ZMYM1: variants seen among roughly 807,000 people sequenced by gnomAD.
ZMYM1 encodes zinc finger MYM-type containing 1.
In ZMYM1, 39 loss-of-function variants were observed where a neutral mutation model predicts 60.0. The ratio of observed to expected loss-of-function variants is 0.65; its 90% confidence interval spans 0.50 to 0.85. The LOEUF (loss-of-function observed/expected upper bound fraction) is 0.85, where lower values mean the gene tolerates loss of function less well. Among genes scored for constraint, ZMYM1 ranks in the 40% least tolerant of loss-of-function variants. The pLI is 0.00. For missense variants in ZMYM1, 1,171 were observed against 1,309.5 expected (o/e 0.89, Z 1.63); for synonymous variants, 413 against 454.0 (o/e 0.91, Z 1.15).
intron 1 of ZMYM1, among the ~76,000 whole-genome samples, chr1:35,073,583 GAAGAA>G (rs1557627006): frequency 8.3e-6 from 1 of 120,352 alleles, no homozygotes; most frequent in Admixed American, 9.1e-5. Flanking sequence ...AAAAAGAAAA[GAAGAA>G]AAGAAAAGAA....
chr1:35,105,477 A>G (rs1404444795), intron 6 of ZMYM1, among the ~76,000 whole-genome samples: 2 of 151,976 alleles, frequency 1.3e-5, no homozygotes, highest in Non-Finnish European at 2.9e-5. Flanking sequence ...TGTCTTGCCC[A>G]GGCTGGAGTG....
intron 1 of ZMYM1, among the ~76,000 whole-genome samples, chr1:35,091,368 C>T (rs1262534925): frequency 1.3e-5 from 2 of 152,050 alleles, no homozygotes; most frequent in Non-Finnish European, 2.9e-5. Flanking sequence ...CCTGCCACCA[C>T]GCCTGGCTAA....
intron 1 of ZMYM1, among the ~76,000 whole-genome samples, chr1:35,090,157 C>T (rs570579343): frequency 2.0e-5 from 3 of 152,158 alleles, no homozygotes; most frequent in Admixed American, 1.3e-4. Flanking sequence ...CCACCCACCT[C>T]GGCCTCCCCA....
At chr1:35,080,651 G>C (rs961929131) in intron 1 of ZMYM1, among the ~76,000 whole-genome samples, 5 of 151,672 alleles carry the variant, frequency 3.3e-5, no homozygotes, top group Admixed American at 2.6e-4. Context: ...TCTATACCAG[G>C]AATATCCGCC....
intron 2 of ZMYM1, 81 bp downstream of exon 2, chr1:35,094,164 C>A: frequency 1.6e-6 from 2 of 1,212,480 alleles, no homozygotes; most frequent in Non-Finnish European, 1.1e-6. Context: ...TGAAATGATT[C>A]ATTGAAAAAC....
intron 1 of ZMYM1, among the ~76,000 whole-genome samples, chr1:35,071,461 T>C (rs958232348): frequency 2.6e-5 from 4 of 151,936 alleles, no homozygotes; most frequent in African/African-American, 9.7e-5. Flanking sequence ...GCCTCCTGAG[T>C]TGTTGGGACT....
chr1:35,075,917 A>T (rs1053453659), upstream of ZMYM1, among the ~76,000 whole-genome samples: 2 of 152,186 alleles, frequency 1.3e-5, no homozygotes, highest in Non-Finnish European at 2.9e-5. Context: ...GTGCTCAACC[A>T]ATCACCCAAT....
intron 1 of ZMYM1, among the ~76,000 whole-genome samples, chr1:35,063,451 G>A (rs1407194130): frequency 6.6e-6 from 1 of 152,086 alleles, no homozygotes; most frequent in Non-Finnish European, 1.5e-5. Flanking sequence ...GGGACCACAA[G>A]CACAAACCAA....
chr1:35,112,993 C>T lies in ZMYM1; in HGVS notation c.1163C>T (p.Pro388Leu). 2 of 1,557,276 alleles carry T rather than the reference C, an allele frequency of 1.3e-6. No homozygotes were observed. Among genetic ancestry groups the T allele is most frequent in the East Asian group, 2.3e-5 (1 of 43,592 alleles). Residue 388 changes from proline to leucine, a missense_variant, in exon 10 of 10, where the codon CCT (proline) becomes CTT (leucine). Pro to Leu is a moderately conservative substitution (Grantham distance 98). Transcript: ENST00000359858. ...DVIVDLSKSSPSEPSNAVASS... is the reference protein window; with the variant it reads ...DVIVDLSKSSLSEPSNAVASS... The stretch of plus-strand genomic sequence containing the variant: ...CTCCCAAAGCTTTCTAAGAGTTCAC[C>T]TAGTGAACCCAGTAATGCTGTTGCT...
At position 35,097,458 on chromosome 1, in the gene ZMYM1, A is replaced by G. The variant is rs1489484062; in HGVS notation, c.311A>G (p.Gln104Arg). The G allele has an allele frequency of 1.9e-6, 3 of 1,614,074 alleles. No individual in the cohort carries two copies. The highest frequency in any genetic ancestry group is 1.3e-5 in the African/African-American group (1 of 74,922). The change falls in exon 4 of 10, where the codon CAG becomes CGG. Residue 104 changes from glutamine (Q) to arginine (R), a missense_variant. By Grantham distance (43) the Gln-to-Arg change is conservative. Transcript: ENST00000359858. ...KILQKGQTAY[Q>R]RKGSAQLFCS... ...CTCCAGAAGGGGCAAACTGCTTATC[A>G]GAGGAAAGGATCTGCTCAACTTTTC...
At chr1:35,107,628 C>G (rs181883366) in intron 6 of ZMYM1, among the ~76,000 whole-genome samples, 2 of 152,060 alleles carry the variant, frequency 1.3e-5, no homozygotes, top group African/African-American at 4.8e-5. Flanking sequence ...TGGAGTAAAT[C>G]TACAATGTTA....
intron 6 of ZMYM1, among the ~76,000 whole-genome samples, chr1:35,108,140 T>TA (rs1313080668): frequency 6.6e-6 from 1 of 152,052 alleles, no homozygotes; most frequent in Non-Finnish European, 1.5e-5. Context: ...AAAAATAAAT[T>TA]ATGCCACTAT....
Position 35,107,172 on chromosome 1 carries a change from G to A in ZMYM1, c.807+2403G>A, listed in dbSNP as rs531879989. ...GGCCGGCCTTGTTCTGTTTTTAAAA[G>A]CCTATATGCCGGGCACGGTGGGTCA... On this transcript the variant is annotated intron_variant, in intron 6 of 9. Coordinates refer to ENST00000359858, the MANE Select transcript of ZMYM1 (RefSeq NM_024772.5). 2.0e-5 allele frequency among the ~76,000 whole-genome samples: 3 copies of A among 147,656 alleles called. No homozygotes were observed. In the East Asian group the frequency reaches 6.4e-4, roughly 31 times the overall value.
intron 6 of ZMYM1, among the ~76,000 whole-genome samples, chr1:35,106,840 TG>T (rs202026953): frequency 0.015 from 2,250 of 150,942 alleles, 51 homozygotes; most frequent in African/African-American, 0.05. Context: ...GGTTGTTTTT[TG>T]TTGTTGTTGT....
At chr1:35,112,547 TTATAA>T (rs1459309676) in intron 9 of ZMYM1, among the ~76,000 whole-genome samples, 4 of 108,776 alleles carry the variant, frequency 3.7e-5, no homozygotes, top group Admixed American at 1.1e-4. Context: ...TATAAATATA[TTATAA>T]TATATTGTAT....
intron 6 of ZMYM1, among the ~76,000 whole-genome samples, chr1:35,108,992 G>A (rs1158070924): frequency 1.3e-5 from 2 of 151,898 alleles, no homozygotes; most frequent in Admixed American, 6.6e-5. Flanking sequence ...TTACGGGCAA[G>A]AGCCACCACA....
In ZMYM1 at chr1:35,073,800, T is replaced by C. The variant is rs181432415; in HGVS notation, c.-300-5194T>C. On this transcript the variant is annotated intron_variant, in intron 1 of 10. Coordinates refer to the ZMYM1 transcript ENST00000417119. ...CTTTTCCTGTGTCCCTATGATTTTGTGATGATGTGTTTCCATGTTGTTTGT... is the reference window on the plus strand; with the variant it reads ...CTTTTCCTGTGTCCCTATGATTTTGCGATGATGTGTTTCCATGTTGTTTGT... Among the ~76,000 whole-genome samples, 8 of 152,242 alleles carry C rather than the reference T, an allele frequency of 5.3e-5. No homozygotes were observed. In the East Asian group the frequency reaches 1.2e-3, roughly 22 times the overall value.
intron 2 of ZMYM1, among the ~76,000 whole-genome samples, chr1:35,095,100 G>A (rs1643236860): frequency 6.6e-6 from 1 of 151,982 alleles, no homozygotes; most frequent in African/African-American, 2.4e-5. Context: ...TAGATATGGT[G>A]GCTATGAAAT....
intron 3 of ZMYM1, among the ~76,000 whole-genome samples, chr1:35,096,176 G>A (rs1052502839): frequency 2.0e-5 from 3 of 152,122 alleles, no homozygotes; most frequent in African/African-American, 2.4e-5. Flanking sequence ...GCCAGGCGTG[G>A]TGGCGCATGC....
Sources: gnomAD v4.1 joint callset for allele counts (sites outside exome capture counted in the v4.1 genomes callset) on GRCh38, gnomAD v4.1.1 for gene constraint, MANE v1.5 for transcripts, NCBI Gene and HGNC (gene_info 2026-07-23, HGNC 2026-07-21) for gene names.